Variants in ANKRD24 observed in about 807,000 individuals in gnomAD.
The protein encoded by ANKRD24 is ankyrin repeat domain 24, also known as ankyrin repeat domain-containing protein 24.
In ANKRD24, 109 loss-of-function variants were observed where a neutral mutation model predicts 127.8. The observed-to-expected ratio is 0.85, with a 90% CI of 0.73 to 1.00. The LOEUF (loss-of-function observed/expected upper bound fraction) is 1.00. Ranked by LOEUF, ANKRD24 falls within the 50% of genes least tolerant of loss-of-function variation. The probability of loss-of-function intolerance (pLI) is 0.00; values close to 1 mark genes in which losing one functional copy is unlikely to be tolerated. For missense variants in ANKRD24, 1,648 were observed against 1,570.2 expected (o/e 1.05, Z -0.84); for synonymous variants, 743 against 671.1 (o/e 1.11, Z -1.66).
At chr19:4,224,250 G>C in intron 21 of ANKRD24, 58 bp downstream of exon 21, 3 of 1,527,158 alleles carry the variant, frequency 2.0e-6, no homozygotes, top group Non-Finnish European at 2.7e-6. Flanking sequence ...GTTGCTCTCT[G>C]AGCCTCAGTT....
At chr19:4,190,833 A>G (rs1568312978) in intron 2 of ANKRD24, among the ~76,000 whole-genome samples, 1 of 152,208 alleles carries the variant, frequency 6.6e-6, no homozygotes, top group Non-Finnish European at 1.5e-5. Flanking sequence ...TTCCCCAAGC[A>G]TTCCTCAGAA....
intron 18 of ANKRD24, 118 bp from the exon 19 acceptor site, chr19:4,219,473 C>T: frequency 8.1e-7 from 1 of 1,231,994 alleles, no homozygotes; most frequent in Non-Finnish European, 1.1e-6. Flanking sequence ...AGAGCAAGAC[C>T]CTGTCTTAAA....
chr19:4,202,154 C>T (rs776885487), intron 6 of ANKRD24, 64 bp downstream of exon 6: 3 of 1,442,486 alleles, frequency 2.1e-6, no homozygotes, highest in Non-Finnish European at 2.9e-6. Flanking sequence ...CCAGCAATTC[C>T]TTGAACCCCC....
Position 4,207,874 on chromosome 19 carries a change from G to A in ANKRD24, c.738G>A (p.Leu246=). Residue 246 remains leucine, a synonymous_variant, in exon 10 of 22, where the codon CTG becomes CTA. Coordinates refer to ENST00000318934, the MANE Select transcript of ANKRD24 (RefSeq NM_001393985.1). The part of the protein sequence containing the change: ...GGAQPGITDA[L]GQDAAHYGAL... ...CCCAGCCGGGCATCACCGATGCGCTGGGGCAGGACGCGGCTCACTATGGCG... is the reference window on the plus strand; with the variant it reads ...CCCAGCCGGGCATCACCGATGCGCTAGGGCAGGACGCGGCTCACTATGGCG... 1 of 1,558,760 alleles carries A rather than the reference G, an allele frequency of 6.4e-7. No homozygotes were observed. The highest frequency in any genetic ancestry group is 8.7e-7 in the Non-Finnish European group (1 of 1,154,452).
At position 4,202,091 on chromosome 19, in the gene ANKRD24, G is replaced by T; in HGVS notation, c.408+1G>T. The T allele has an allele frequency of 6.2e-7, 1 of 1,613,600 alleles. No individual in the cohort carries two copies. Among genetic ancestry groups the T allele is most frequent in the Non-Finnish European group, 8.5e-7 (1 of 1,179,664 alleles). On this transcript the variant is annotated splice_donor_variant, in intron 6 of 21. Transcript: ENST00000318934. LOFTEE classifies it high-confidence loss of function. ...ACAGTGCTTGAAGCAACTACTGCAG[G>T]TCATTTACTGTCTTATCTCAGCTAC...
chr19:4,217,175 T>C lies in ANKRD24; in HGVS notation c.2015T>C (p.Met672Thr). 1 of 1,612,016 alleles carries C rather than the reference T, an allele frequency of 6.2e-7. No homozygotes were observed. The highest frequency in any genetic ancestry group is 8.5e-7 in the Non-Finnish European group (1 of 1,179,224). ...CCCCCAGTCACAGGGACCACAAACA[T>C]GGAGGCCACGGGCTCTAGGGCCACA... The part of the protein sequence containing the change: ...AEPPVTGTTN[M>T]EATGSRATGM... The change falls in exon 18 of 22, where the codon ATG (methionine) becomes ACG (threonine). Residue 672 changes from methionine to threonine, a missense_variant. Met to Thr is a moderately conservative substitution (Grantham distance 81). Transcript: ENST00000318934.
chr19:4,222,911 G>A (rs1479964524), intron 20 of ANKRD24, 116 bp downstream of exon 20: 6 of 1,240,452 alleles, frequency 4.8e-6, no homozygotes, highest in African/African-American at 3.0e-5. Flanking sequence ...TAGGCAGGTG[G>A]GGTCCACATC....
At chr19:4,212,858 T>C (rs1012274072) in intron 15 of ANKRD24, among the ~76,000 whole-genome samples, 160 bp downstream of exon 15, 2 of 152,002 alleles carry the variant, frequency 1.3e-5, no homozygotes, top group South Asian at 4.1e-4. Context: ...CTTGGCTGGG[T>C]GCGAGGGCTT....
chr19:4,196,428 T>G (rs1226050355), intron 2 of ANKRD24, among the ~76,000 whole-genome samples: 1 of 152,086 alleles, frequency 6.6e-6, no homozygotes, highest in Non-Finnish European at 1.5e-5. Context: ...CAGGCTGGAG[T>G]GCAGTGACGC....
At chr19:4,182,770 C>T (rs1967799522) in intron 1 of ANKRD24, 30 bp downstream of exon 1, 1 of 985,222 alleles carries the variant, frequency 1.0e-6, no homozygotes, top group Non-Finnish European at 1.2e-6. Context: ...AGGGGCTCCC[C>T]GATGACCCGG....
chr19:4,192,412 C>T (rs971566259), intron 2 of ANKRD24, among the ~76,000 whole-genome samples: 2 of 142,920 alleles, frequency 1.4e-5, no homozygotes, highest in African/African-American at 2.6e-5. Flanking sequence ...GGTCTTACCA[C>T]GTTGCCCAGG....
chr19:4,197,538 G>A (rs1968816779), intron 2 of ANKRD24, among the ~76,000 whole-genome samples: 1 of 151,400 alleles, frequency 6.6e-6, no homozygotes, highest in African/African-American at 2.4e-5. Flanking sequence ...GAATGGTGTG[G>A]GAATGAATAA....
intron 2 of ANKRD24, among the ~76,000 whole-genome samples, chr19:4,189,228 T>A (rs1032887322): frequency 8.7e-5 from 13 of 150,034 alleles, no homozygotes; most frequent in African/African-American, 1.5e-4. Context: ...TTATTTTTTT[T>A]AATTTTTCTT....
intron 10 of ANKRD24, among the ~76,000 whole-genome samples, chr19:4,208,294 A>AGG (rs1969510497): frequency 6.6e-6 from 1 of 152,052 alleles, no homozygotes; most frequent in Non-Finnish European, 1.5e-5. Flanking sequence ...ACTTGAGGTC[A>AGG]GGGGTTCAAG....
chr19:4,189,188 A>T (rs1254848323), intron 2 of ANKRD24, among the ~76,000 whole-genome samples: 1 of 149,070 alleles, frequency 6.7e-6, no homozygotes, highest in East Asian at 2.0e-4. Context: ...TTTATTTAAA[A>T]CATTTTAATT....
chr19:4,200,079 C>T lies in ANKRD24; in HGVS notation c.255-4C>T, dbSNP rs1420678633. 6.3e-7 allele frequency: 1 copy of T among 1,584,128 alleles called. No individual in the cohort carries two copies. The highest frequency in any genetic ancestry group is 8.6e-7 in the Non-Finnish European group (1 of 1,164,758). On this transcript the variant is annotated splice_region_variant and splice_polypyrimidine_tract_variant and intron_variant, in intron 4 of 21. Coordinates refer to ENST00000318934, the MANE Select transcript of ANKRD24 (RefSeq NM_001393985.1). ...GCGGCTGAACCCTTGTCTCTCACCT[C>T]CAGGTTCCACCTGGCGGCCATGCGG...
rs116237134 is a variant in ANKRD24 at position 4,212,496 on chromosome 19, C to T, written c.1081C>T (p.His361Tyr). 1.5e-3 allele frequency: 2,434 copies of T among 1,570,366 alleles called. 15 individuals carry two copies. In the African/African-American group the frequency reaches 0.018, roughly 11 times the overall value. The change falls in exon 14 of 22, where the codon CAC becomes TAC. Residue 361 changes from histidine (H) to tyrosine (Y), a missense_variant. His to Tyr is a moderately conservative substitution (Grantham distance 83). Transcript: ENST00000318934. ...QQESPEASSL[H>Y]ILERQVQELQ... Reference sequence around the variant, plus strand: ...TCAGTCCCCGGAGGCCAGCTCCCTGCACATCCTGGAGAGACAGGTAGGTGG... The same window carrying T: ...TCAGTCCCCGGAGGCCAGCTCCCTGTACATCCTGGAGAGACAGGTAGGTGG...
At chr19:4,194,304 C>T (rs2145245210) in intron 2 of ANKRD24, among the ~76,000 whole-genome samples, 1 of 152,292 alleles carries the variant, frequency 6.6e-6, no homozygotes, top group South Asian at 2.1e-4. Context: ...AGGCGTGCAC[C>T]ACCGTGCCCA....
chr19:4,205,982 A>T (rs1378800765), intron 7 of ANKRD24, among the ~76,000 whole-genome samples: 1 of 150,790 alleles, frequency 6.6e-6, no homozygotes, highest in Non-Finnish European at 1.5e-5. Context: ...CTCTACTAAA[A>T]ATACAAAAAA....
Sources: allele counts gnomAD v4.1 joint callset (sites outside exome capture counted in the v4.1 genomes callset), GRCh38; gene constraint gnomAD v4.1.1; transcripts MANE v1.5; gene names NCBI Gene and HGNC (gene_info 2026-07-23, HGNC 2026-07-21).